HAS2: variants seen among roughly 807,000 people sequenced by gnomAD.
HAS2 encodes the protein hyaluronan synthase 2.
Under a neutral mutation model 51.6 loss-of-function variants are expected in HAS2, and 16 were observed. The ratio of observed to expected loss-of-function variants is 0.31; its 90% CI spans 0.21 to 0.47. The LOEUF (loss-of-function observed/expected upper bound fraction) is 0.47, where lower values mean the gene tolerates loss of function less well. Ranked by LOEUF, HAS2 falls within the 20% of genes least tolerant of loss-of-function variation. The pLI, the probability that HAS2 is intolerant of heterozygous loss-of-function variation, is 1.00. For synonymous variants in HAS2, 228 were observed against 235.5 expected, an observed-to-expected ratio of 0.97 and a Z score of 0.29; for missense variants, 361 against 662.6, an observed-to-expected ratio of 0.54 and a Z score of 5.00.
chr8:121,639,733 T>A (rs1242921956), intron 1 of HAS2: 1 of 152,272 alleles, frequency 6.6e-6, no homozygotes, highest in Non-Finnish European at 1.5e-5. Flanking sequence ...AGACCCTCCT[T>A]TCAGACCCGC....
chr8:121,629,822 C>G (rs1421119879), intron 1 of HAS2, among the ~76,000 whole-genome samples: 2 of 152,118 alleles, frequency 1.3e-5, no homozygotes, highest in Non-Finnish European at 2.9e-5. Flanking sequence ...AATCTCACCT[C>G]CAATGTGTAT....
intron 1 of HAS2, among the ~76,000 whole-genome samples, chr8:121,631,961 A>C (rs1171355599): frequency 6.6e-6 from 1 of 152,234 alleles, no homozygotes; most frequent in Non-Finnish European, 1.5e-5. Context: ...GGACATAGAG[A>C]GTGTTGACAT....
At chr8:121,616,423 C>A (rs1812701947) in intron 3 of HAS2, among the ~76,000 whole-genome samples, 1 of 150,092 alleles carries the variant, frequency 6.7e-6, no homozygotes, top group South Asian at 2.1e-4. Context: ...ACTTCTATTT[C>A]TTTTTTCTTT....
chr8:121,615,084 T>A (rs1168380669), intron 3 of HAS2, 46 bp from the exon 4 acceptor site: 2 of 1,400,786 alleles, frequency 1.4e-6, no homozygotes, highest in African/African-American at 1.4e-5. Context: ...TAGCTAAAAA[T>A]TCCAGCAAAA....
chr8:121,641,053 A>C lies in HAS2; in HGVS notation c.-201T>G, dbSNP rs1426055540. On this transcript the variant is annotated 5_prime_UTR_variant, in exon 1 of 4. It adds an upstream start codon to the 5' untranslated region. Transcript: ENST00000303924. ...TGTTTGATTCTTCCCCACTTTAAAA[A>C]ATAATTTCACTAATATTCTCTTTAT... The C allele has an allele frequency of 6.6e-6, 1 of 151,816 alleles. No homozygotes were observed. The highest frequency in any genetic ancestry group is 1.5e-5 in the Non-Finnish European group (1 of 68,024). 9.4% of individuals were successfully genotyped at this position (151,816 alleles called of 1,614,324 possible). A position where few individuals can be genotyped will look rare whatever the true frequency, so the allele number is the denominator to read the frequency against.
Position 121,629,018 on chromosome 8 carries a change from C to T in HAS2, c.323G>A (p.Arg108Lys), listed in dbSNP as rs780542492. ...YLRKCLQSVK[R>K]LTYPGIKVVM... ...AACTTTAATCCCAGGGTAGGTTAGC[C>T]TTTTCACAGATTGCAAACATTTCCT... Residue 108 changes from arginine (R) to lysine (K), a missense_variant, in exon 2 of 4, where the codon AGG becomes AAG. Physicochemically the swap from Arg to Lys is conservative, Grantham distance 26. Transcript: ENST00000303924. The T allele has an allele frequency of 1.2e-6, 2 of 1,613,974 alleles. No homozygotes were observed. Among genetic ancestry groups the T allele is most frequent in the Non-Finnish European group, 1.7e-6 (2 of 1,179,996 alleles).
At chr8:121,618,534 A>G (rs1477254038) in intron 2 of HAS2, among the ~76,000 whole-genome samples, 1 of 152,204 alleles carries the variant, frequency 6.6e-6, no homozygotes, top group Non-Finnish European at 1.5e-5. Context: ...ATACCTGCCA[A>G]TGGAGCTTCC....
chr8:121,618,392 G>C (rs1318409983), intron 2 of HAS2, among the ~76,000 whole-genome samples: 2 of 152,056 alleles, frequency 1.3e-5, no homozygotes, highest in African/African-American at 4.8e-5. Context: ...GTTCCTGGGG[G>C]GGTGCCCACT....
chr8:121,614,763 C>T lies in HAS2; in HGVS notation c.1005G>A (p.Lys335=), dbSNP rs747690359. Residue 335 remains lysine (K), a synonymous_variant, in exon 4 of 4, where the codon AAG becomes AAA. Coordinates refer to ENST00000303924, the MANE Select transcript of HAS2 (RefSeq NM_005328.3). This position sits in a 1 kb window ranked among gnomAD's most constrained non-coding sequence, Gnocchi z 7.2. ...ATTCTATAGGTGTTTCAGTAAGGCA[C>T]TTAGATCGAGCTGTGTATTTTGTTG... ...GYATKYTARS[K]CLTETPIEYL... 1 of 1,614,228 alleles carries T rather than the reference C, an allele frequency of 6.2e-7. No homozygotes were observed. Among genetic ancestry groups the T allele is most frequent in the Non-Finnish European group, 8.5e-7 (1 of 1,180,040 alleles).
At chr8:121,626,492 T>C (rs1031785272) in intron 2 of HAS2, among the ~76,000 whole-genome samples, 1 of 152,156 alleles carries the variant, frequency 6.6e-6, no homozygotes, top group Non-Finnish European at 1.5e-5. Flanking sequence ...CCAGCCCCCA[T>C]TTTCTCTTGT....
At position 121,628,734 on chromosome 8, in the gene HAS2, G is replaced by A. The variant is rs773816788; in HGVS notation, c.607C>T (p.Arg203Ter). The stretch of plus-strand genomic sequence containing the variant: ...CCTACCTGTACATAATCCACACTTC[G>A]TCCCAGTGCTCTGAAGGCTGTGTAC... ...VMYTAFRALG[R>*]SVDYVQVCDS... Residue 203 changes from arginine to a stop codon, truncating the protein, a stop_gained, in exon 2 of 4, where the codon CGA becomes TGA. Coordinates refer to ENST00000303924, the MANE Select transcript of HAS2 (RefSeq NM_005328.3). LOFTEE classifies it high-confidence loss of function. 2.5e-6 allele frequency: 4 copies of A among 1,613,844 alleles called. No homozygotes were observed. Among genetic ancestry groups the A allele is most frequent in the East Asian group, 2.2e-5 (1 of 44,872 alleles).
chr8:121,614,256 A>G lies in HAS2; in HGVS notation c.1512T>C (p.Phe504=), dbSNP rs375693325. 3 of 1,614,054 alleles carry G rather than the reference A, an allele frequency of 1.9e-6. No individual in the cohort carries two copies. In the African/African-American group the frequency reaches 4.0e-5, roughly 22 times the overall value. ...FTIYKESKRP[F]SESKQTVLIV... ...TTAGAACTGTCTGTTTGGATTCTGA[A>G]AATGGCCTTTTAGACTCCTTATAAA... Residue 504 remains phenylalanine, a synonymous_variant, in exon 4 of 4, where the codon TTT becomes TTC. Transcript: ENST00000303924. This position sits in a 1 kb window ranked among gnomAD's most constrained non-coding sequence, Gnocchi z 7.2.
intron 1 of HAS2, among the ~76,000 whole-genome samples, 177 bp from the exon 2 acceptor site, chr8:121,629,517 A>G (rs1812900782): frequency 6.6e-6 from 1 of 152,178 alleles, no homozygotes; most frequent in Non-Finnish European, 1.5e-5. Context: ...CAAAACAGGG[A>G]TAAGGATGCC....
chr8:121,634,194 C>T (rs1430064385), intron 1 of HAS2, among the ~76,000 whole-genome samples: 3 of 152,124 alleles, frequency 2.0e-5, no homozygotes, highest in Admixed American at 6.5e-5. Flanking sequence ...CCACCCGCCT[C>T]GGCCTCCCAA....
At chr8:121,620,397 T>G (rs1282430658) in intron 2 of HAS2, among the ~76,000 whole-genome samples, 1 of 152,192 alleles carries the variant, frequency 6.6e-6, no homozygotes, top group Non-Finnish European at 1.5e-5. Flanking sequence ...TTACAATCTG[T>G]GGGAGACATG....
At chr8:121,616,038 T>C (rs1812696325) in intron 3 of HAS2, among the ~76,000 whole-genome samples, 1 of 152,212 alleles carries the variant, frequency 6.6e-6, no homozygotes, top group African/African-American at 2.4e-5. Context: ...AAATGGGTTA[T>C]ATAGCATGAT....
chr8:121,618,357 C>A (rs1413050796), intron 2 of HAS2, among the ~76,000 whole-genome samples: 6 of 152,062 alleles, frequency 3.9e-5, no homozygotes, highest in East Asian at 1.9e-4. Context: ...AGTGTATGTC[C>A]CTTCAAAAGG....
intron 2 of HAS2, among the ~76,000 whole-genome samples, chr8:121,626,854 GCCTAGTTAAAA>G (rs1346897869): frequency 3.5e-4 from 53 of 152,268 alleles, no homozygotes; most frequent in Middle Eastern, 6.8e-3. Flanking sequence ...AGGCATCAGG[GCCTAGTTAAAA>G]GCTGCTGGTC....
intron 2 of HAS2, among the ~76,000 whole-genome samples, chr8:121,624,715 T>G (rs1812817859): frequency 6.6e-6 from 1 of 152,220 alleles, no homozygotes; most frequent in Non-Finnish European, 1.5e-5. Context: ...GGATACTGTT[T>G]TATGTTTTCC....
Sources: allele counts gnomAD v4.1 joint callset (sites outside exome capture counted in the v4.1 genomes callset), GRCh38; gene constraint gnomAD v4.1.1; non-coding constraint Gnocchi (gnomAD v3.1); transcripts MANE v1.5; gene names NCBI Gene and HGNC (gene_info 2026-07-23, HGNC 2026-07-21).